Variants in AKAP19 observed in about 807,000 individuals in gnomAD.
The protein encoded by AKAP19 is A-kinase anchoring protein 19, also known as small A-kinase anchoring protein.
At chr2:190,049,947 T>G in the AKAP19 span, among the ~76,000 whole-genome samples, 1 of 152,336 alleles carries the variant, frequency 6.6e-6, no homozygotes, top group South Asian at 2.1e-4. Flanking sequence ...AAATAATAAC[T>G]CTAGTTTTAC....
chr2:189,952,698 TACTG>T, the AKAP19 span, among the ~76,000 whole-genome samples: 1 of 152,250 alleles, frequency 6.6e-6, no homozygotes, highest in Non-Finnish European at 1.5e-5. Flanking sequence ...CTACTGCACT[TACTG>T]TGTGCAACTG....
the AKAP19 span, among the ~76,000 whole-genome samples, chr2:189,909,893 A>C: frequency 4.6e-5 from 7 of 151,884 alleles, no homozygotes; most frequent in Non-Finnish European, 1.0e-4. Context: ...AATAACTACT[A>C]GTTTCGATAG....
chr2:190,186,482 G>A, the AKAP19 span, among the ~76,000 whole-genome samples: 1 of 152,206 alleles, frequency 6.6e-6, no homozygotes, highest in Non-Finnish European at 1.5e-5. The surrounding 1 kb of genome is among the most constrained non-coding windows in gnomAD (Gnocchi z 5.5). Flanking sequence ...AAGTGCCTAA[G>A]GATGAAACCG....
the AKAP19 span, among the ~76,000 whole-genome samples, chr2:190,047,339 T>C: frequency 6.6e-6 from 1 of 152,228 alleles, no homozygotes; most frequent in Non-Finnish European, 1.5e-5. Context: ...ATCAAACTTT[T>C]CTTCATCATT....
At chr2:189,932,462 AC>A in the AKAP19 span, among the ~76,000 whole-genome samples, 1 of 151,064 alleles carries the variant, frequency 6.6e-6, no homozygotes, top group Admixed American at 6.6e-5. Flanking sequence ...TTCTCCCCCC[AC>A]CACCACACAT....
the AKAP19 span, among the ~76,000 whole-genome samples, chr2:189,955,196 G>T: frequency 1.3e-5 from 2 of 152,226 alleles, no homozygotes; most frequent in South Asian, 4.1e-4. Flanking sequence ...AGAACATGTG[G>T]TTTTTAACTT....
chr2:189,908,670 T>C, the AKAP19 span, among the ~76,000 whole-genome samples: 10 of 152,368 alleles, frequency 6.6e-5, 1 homozygote, highest in East Asian at 1.5e-3. Context: ...TTAAAAATGT[T>C]TGTCCAGTTA....
chr2:190,137,079 C>T, the AKAP19 span, among the ~76,000 whole-genome samples: 1 of 152,180 alleles, frequency 6.6e-6, no homozygotes, highest in Non-Finnish European at 1.5e-5. Flanking sequence ...TATCACATTA[C>T]TAGAATCAAA....
At chr2:190,116,159 A>G in the AKAP19 span, among the ~76,000 whole-genome samples, 3 of 152,220 alleles carry the variant, frequency 2.0e-5, no homozygotes, top group Non-Finnish European at 2.9e-5. Context: ...AAAAATAACA[A>G]TATGCCATTA....
At chr2:189,936,213 G>A in the AKAP19 span, among the ~76,000 whole-genome samples, 1 of 151,488 alleles carries the variant, frequency 6.6e-6, no homozygotes, top group South Asian at 2.1e-4. Flanking sequence ...GCCAATAATA[G>A]TTTTTTGAAT....
chr2:189,881,231 G>C, the AKAP19 span, among the ~76,000 whole-genome samples: 5 of 152,090 alleles, frequency 3.3e-5, no homozygotes, highest in African/African-American at 9.7e-5. Flanking sequence ...TAAATCTTGG[G>C]GCTCCTAAAT....
chr2:190,006,333 T>C, the AKAP19 span, among the ~76,000 whole-genome samples: 1 of 152,230 alleles, frequency 6.6e-6, no homozygotes, highest in Non-Finnish European at 1.5e-5. Context: ...AAGTGGATAA[T>C]TCAGTGAGCA....
chr2:190,018,575 T>C, the AKAP19 span, among the ~76,000 whole-genome samples: 2 of 152,238 alleles, frequency 1.3e-5, no homozygotes, highest in Non-Finnish European at 2.9e-5. Flanking sequence ...TGTATGTTTT[T>C]TGTTCACCTA....
At chr2:190,158,379 C>G in the AKAP19 span, among the ~76,000 whole-genome samples, 1 of 152,120 alleles carries the variant, frequency 6.6e-6, no homozygotes, top group African/African-American at 2.4e-5. Flanking sequence ...GTATGCAGAC[C>G]TCTCAAGCAA....
chr2:189,978,565 T>C, the AKAP19 span, among the ~76,000 whole-genome samples: 5 of 152,148 alleles, frequency 3.3e-5, no homozygotes, highest in African/African-American at 1.2e-4. Context: ...TGCAGTGAGC[T>C]GAGATTGCAC....
the AKAP19 span, chr2:189,923,238 T>G: frequency 1.6e-6 from 2 of 1,250,582 alleles, no homozygotes; most frequent in Non-Finnish European, 2.3e-6. Flanking sequence ...GCAGTCGGCT[T>G]CTCTACGCAG....
chr2:189,955,697 G>C, the AKAP19 span, among the ~76,000 whole-genome samples: 1 of 152,048 alleles, frequency 6.6e-6, no homozygotes, highest in Non-Finnish European at 1.5e-5. Flanking sequence ...GTTTTAATTT[G>C]CATTTCTCTG....
chr2:190,089,923 C>A, the AKAP19 span, among the ~76,000 whole-genome samples: 1 of 152,144 alleles, frequency 6.6e-6, no homozygotes, highest in African/African-American at 2.4e-5. Flanking sequence ...AACACTGGTT[C>A]AATTGTGCTA....
At chr2:190,013,088 C>T in the AKAP19 span, among the ~76,000 whole-genome samples, 1 of 152,082 alleles carries the variant, frequency 6.6e-6, no homozygotes, top group Non-Finnish European at 1.5e-5. Context: ...CTTCTAGTAT[C>T]CTTGTCTGAC....
Sources: allele counts gnomAD v4.1 joint callset (sites outside exome capture counted in the v4.1 genomes callset), GRCh38; gene constraint gnomAD v4.1.1; non-coding constraint Gnocchi (gnomAD v3.1); transcripts MANE v1.5; gene names NCBI Gene and HGNC (gene_info 2026-07-23, HGNC 2026-07-21).